Variants in MAPK3 observed in about 807,000 individuals in gnomAD.
MAPK3 encodes the protein MAPK 1.
MAPK3 carries 30 observed loss-of-function variants against 41.8 expected under a neutral mutation model. The ratio of observed to expected loss-of-function variants is 0.72; its 90% CI spans 0.54 to 0.97. The LOEUF (loss-of-function observed/expected upper bound fraction) is 0.97, where lower values mean the gene tolerates loss of function less well. Ranked by LOEUF, MAPK3 falls within the 50% of genes least tolerant of loss-of-function variation. The probability of loss-of-function intolerance (pLI) is 0.00; values close to 1 mark genes in which losing one functional copy is unlikely to be tolerated. For synonymous variants in MAPK3, 222 were observed against 213.4 expected (o/e 1.04, Z -0.35); for missense variants, 413 against 509.9 (o/e 0.81, Z 1.83).
In MAPK3 at chr16:30,116,953, T is replaced by C. The variant is rs2072962836; in HGVS notation, c.958A>G (p.Thr320Ala). 1 of 1,613,452 alleles carries C rather than the reference T, an allele frequency of 6.2e-7. No homozygotes were observed. The part of the protein sequence containing the change: ...MLTFNPNKRI[T>A]VEEALAHPYL... Reference sequence around the variant, plus strand: ...GGGTGAGCCAGCGCTTCCTCCACTGTGATCCGTTTATTGGGGTTAAAGGTT... The same window carrying C: ...GGGTGAGCCAGCGCTTCCTCCACTGCGATCCGTTTATTGGGGTTAAAGGTT... Residue 320 changes from threonine (T) to alanine (A), a missense_variant, in exon 7 of 9, where the codon ACA becomes GCA. This residue lies in a region of MAPK3 where 123 missense variants were observed against 147.8 expected (regional missense o/e 0.83). Transcript: ENST00000263025.
intron 8 of MAPK3, among the ~76,000 whole-genome samples, chr16:30,115,021 G>C (rs559145950): frequency 6.6e-6 from 1 of 150,664 alleles, no homozygotes; most frequent in African/African-American, 2.4e-5. Flanking sequence ...TGGATCGCTT[G>C]AGCCCAGGAG....
At chr16:30,117,608 TC>T in intron 5 of MAPK3, 61 bp downstream of exon 5, 2 of 1,338,652 alleles carry the variant, frequency 1.5e-6, no homozygotes, top group Middle Eastern at 3.6e-4. Flanking sequence ...ACTTGGACTC[TC>T]GAGAAATCTC....
intron 8 of MAPK3, among the ~76,000 whole-genome samples, chr16:30,116,331 G>A (rs892206297): frequency 1.3e-5 from 2 of 151,932 alleles, no homozygotes; most frequent in Middle Eastern, 3.4e-3. Context: ...GACCCACTGT[G>A]CCCGGCTAAT....
In MAPK3 at chr16:30,114,504, C is replaced by A. The variant is rs1473237065; in HGVS notation, c.*237G>T. On this transcript the variant is annotated 3_prime_UTR_variant, in exon 9 of 9. Coordinates refer to ENST00000263025, the MANE Select transcript of MAPK3 (RefSeq NM_002746.3). Reference sequence around the variant, plus strand: ...GCAGCAGCAGCAGCGGGAGATTGAACTGGGGCCACCTGAGGTCCCGAGGCC... The same window carrying A: ...GCAGCAGCAGCAGCGGGAGATTGAAATGGGGCCACCTGAGGTCCCGAGGCC... 1 of 139,304 alleles carries A rather than the reference C, an allele frequency of 7.2e-6. No individual in the cohort carries two copies. The highest frequency in any genetic ancestry group is 1.6e-5 in the Non-Finnish European group (1 of 63,940). 8.6% of individuals were successfully genotyped at this position (139,304 alleles called of 1,614,324 possible).
intron 4 of MAPK3, 67 bp downstream of exon 4, chr16:30,117,980 T>C: frequency 7.0e-7 from 1 of 1,434,396 alleles, no homozygotes; most frequent in Non-Finnish European, 9.8e-7. Flanking sequence ...AGTGTCTGGC[T>C]CAGAGGTAGC....
chr16:30,118,225 C>A, intron 3 of MAPK3, 62 bp from the exon 4 acceptor site: 1 of 1,575,172 alleles, frequency 6.3e-7, no homozygotes, highest in Non-Finnish European at 8.7e-7. Flanking sequence ...AGCAGTCACG[C>A]CCCCTTGTCT....
rs1042404 is a variant in MAPK3, at chr16:30,114,341, G to C, written c.*400C>G. 6.6e-6 allele frequency: 1 copy of C among 152,666 alleles called. No individual in the cohort carries two copies. The highest frequency in any genetic ancestry group is 2.4e-5 in the African/African-American group (1 of 41,430). 9.5% of individuals were successfully genotyped at this position (152,666 alleles called of 1,614,324 possible). A position where few individuals can be genotyped will look rare whatever the true frequency, so the allele number is the denominator to read the frequency against. ...GGAAACTAGGGTGGGGTTTGAATGAGATGAGGGGGGCAGGCATGGCCCTGA... is the reference window on the plus strand; with the variant it reads ...GGAAACTAGGGTGGGGTTTGAATGACATGAGGGGGGCAGGCATGGCCCTGA... On this transcript the variant is annotated 3_prime_UTR_variant, in exon 9 of 9. Coordinates refer to ENST00000263025, the MANE Select transcript of MAPK3 (RefSeq NM_002746.3).
chr16:30,118,642 G>T, intron 2 of MAPK3, 104 bp from the exon 3 acceptor site: 1 of 909,424 alleles, frequency 1.1e-6, no homozygotes, highest in Non-Finnish European at 1.7e-6. Context: ...TCCAGCCAGG[G>T]CCCCTGGGAC....
rs2151048775 is a variant in MAPK3, at chr16:30,123,138, G to C, written c.72C>G (p.Val24=). Residue 24 remains valine, a synonymous_variant, in exon 1 of 9, where the codon GTC becomes GTG. Coordinates refer to ENST00000263025, the MANE Select transcript of MAPK3 (RefSeq NM_002746.3). ...CCTTCACCATCTCCACCTCCCCCGGGACCCCCGGGCCGACCCCCTCGGTTC... is the reference window on the plus strand; with the variant it reads ...CCTTCACCATCTCCACCTCCCCCGGCACCCCCGGGCCGACCCCCTCGGTTC... ...PRRTEGVGPG[V]PGEVEMVKGQ... 1 of 1,545,774 alleles carries C rather than the reference G, an allele frequency of 6.5e-7. No homozygotes were observed. Among genetic ancestry groups the C allele is most frequent in the East Asian group, 2.7e-5 (1 of 37,708 alleles).
At chr16:30,120,312 G>C (rs1164370770) in intron 2 of MAPK3, among the ~76,000 whole-genome samples, 1 of 152,192 alleles carries the variant, frequency 6.6e-6, no homozygotes, top group Non-Finnish European at 1.5e-5. Context: ...GCGAGCTGGG[G>C]GTGAGCACGG....
At position 30,114,169 on chromosome 16, in the gene MAPK3, G is replaced by A; in HGVS notation, c.*572C>T. The A allele has an allele frequency of 6.6e-6, 1 of 152,360 alleles. No individual in the cohort carries two copies. Among genetic ancestry groups the A allele is most frequent in the Non-Finnish European group, 1.5e-5 (1 of 68,074 alleles). The allele number at this position is 152,360 out of a possible 1,614,324, so 9.4% of individuals were successfully genotyped here. On this transcript the variant is annotated 3_prime_UTR_variant, in exon 9 of 9. Transcript: ENST00000263025. Reference sequence around the variant, plus strand: ...GTCAGGGAGGTGGCAGGGGCGCCGGGCTCTCCACGCCCCCCAGCTCCACTT... The same window carrying A: ...GTCAGGGAGGTGGCAGGGGCGCCGGACTCTCCACGCCCCCCAGCTCCACTT...
At chr16:30,120,854 T>C (rs1421964398) in intron 2 of MAPK3, among the ~76,000 whole-genome samples, 1 of 151,634 alleles carries the variant, frequency 6.6e-6, no homozygotes, top group Admixed American at 6.6e-5. Context: ...TGGATAATTT[T>C]TAAATTTTTT....
Position 30,117,153 on chromosome 16 carries a change from C to T in MAPK3, c.907+1G>A. The T allele has an allele frequency of 6.2e-7, 1 of 1,614,036 alleles. No individual in the cohort carries two copies. Among genetic ancestry groups the T allele is most frequent in the Non-Finnish European group, 8.5e-7 (1 of 1,179,990 alleles). ...CACACCCACCCTCATGTCTCTCGAACCTTTGGAGTCTGACTTGGGGAAAAG... is the reference window on the plus strand; with the variant it reads ...CACACCCACCCTCATGTCTCTCGAATCTTTGGAGTCTGACTTGGGGAAAAG... On this transcript the variant is annotated splice_donor_variant, in intron 6 of 8. Coordinates refer to ENST00000263025, the MANE Select transcript of MAPK3 (RefSeq NM_002746.3). LOFTEE classifies it high-confidence loss of function.
At chr16:30,121,761 A>G in intron 2 of MAPK3, 63 bp downstream of exon 2, 1 of 1,523,386 alleles carries the variant, frequency 6.6e-7, no homozygotes. Context: ...AAACCAAGCA[A>G]CGGGTCCCCA....
chr16:30,121,464 G>A (rs1470826384), intron 2 of MAPK3, among the ~76,000 whole-genome samples: 1 of 152,188 alleles, frequency 6.6e-6, no homozygotes. Context: ...GGAAAGAGAG[G>A]AAAGAATCAT....
At chr16:30,122,069 C>T (rs2151047979) in intron 1 of MAPK3, 63 bp from the exon 2 acceptor site, 1 of 1,539,822 alleles carries the variant, frequency 6.5e-7, no homozygotes, top group Non-Finnish European at 8.9e-7. Context: ...GGCCTGGTGG[C>T]CCCACCCAGG....
rs756047833 is a variant in MAPK3, at chr16:30,116,700, G to T, written c.1108C>A (p.Arg370Ser). The part of the protein sequence containing the change: ...LKELIFQETA[R>S]FQPGVLEAP ...GCCTCCAGCACTCCGGGCTGGAAGC[G>T]TGCTGTCTCCTGGAAGATGAGCTCC... is the stretch of plus-strand genomic sequence containing the variant. The change falls in exon 8 of 9, where the codon CGC (arginine) becomes AGC (serine). Residue 370 changes from arginine (R) to serine (S), a missense_variant. Transcript: ENST00000263025. The T allele has an allele frequency of 1.9e-6, 3 of 1,613,802 alleles. No homozygotes were observed. Among genetic ancestry groups the T allele is most frequent in the Non-Finnish European group, 1.7e-6 (2 of 1,180,024 alleles).
chr16:30,116,586 A>G, intron 8 of MAPK3, 50 bp downstream of exon 8: 4 of 1,546,674 alleles, frequency 2.6e-6, no homozygotes, highest in Non-Finnish European at 3.5e-6. Context: ...ATATACAGAT[A>G]TAGATATTTA....
intron 1 of MAPK3, chr16:30,122,782 C>T (rs1372061425): frequency 8.3e-6 from 3 of 360,026 alleles, no homozygotes; most frequent in African/African-American, 6.3e-5. Context: ...CCCACATGCA[C>T]TCGGATGCCC....
Sources: allele counts gnomAD v4.1 joint callset (sites outside exome capture counted in the v4.1 genomes callset), GRCh38; gene constraint gnomAD v4.1.1; regional missense constraint gnomAD v4.1.1; transcripts MANE v1.5; gene names NCBI Gene and HGNC (gene_info 2026-07-23, HGNC 2026-07-21).